Variants in CCDC12 observed in about 807,000 individuals in gnomAD.
The protein encoded by CCDC12 is coiled-coil domain containing 12, also known as coiled-coil domain-containing protein 12.
A neutral mutation model predicts 25.7 loss-of-function variants in CCDC12; 28 were observed. That is an observed-to-expected ratio of 1.09 (90% CI 0.81 to 1.50). CCDC12 has a LOEUF of 1.50. CCDC12 is among the 40% of genes most tolerant of loss of function. The pLI, the probability that CCDC12 is intolerant of heterozygous loss-of-function variation, is 0.00. For missense variants in CCDC12, 198 were observed against 210.0 expected, an observed-to-expected ratio of 0.94 and a Z score of 0.35; for synonymous variants, 75 against 87.7, an observed-to-expected ratio of 0.86 and a Z score of 0.81.
In CCDC12 at chr3:46,975,839, C is replaced by T. The variant is rs1291707793; in HGVS notation, c.96+798G>A. Among the ~76,000 whole-genome samples, 5 of 86,972 alleles carry T rather than the reference C, an allele frequency of 5.7e-5. No individual in the cohort carries two copies. The East Asian group carries it at 1.9e-3, about 33-fold the overall frequency. The allele number at this position is 86,972 out of a possible 152,430, so 57.1% of individuals were successfully genotyped here. On this transcript the variant is annotated intron_variant, in intron 1 of 6. Coordinates refer to ENST00000683445, the MANE Select transcript of CCDC12 (RefSeq NM_001277074.2). ...CGCGCCCGGCTAAATCTTTTATTTT[C>T]GATTTTTTTTTTTTTTTTTTTTTTG...
intron 1 of CCDC12, among the ~76,000 whole-genome samples, chr3:46,947,876 T>A (rs1477039545): frequency 6.6e-6 from 1 of 152,158 alleles, no homozygotes; most frequent in Non-Finnish European, 1.5e-5. Flanking sequence ...CTCAGTTTCC[T>A]CATCTACAAA....
At chr3:46,976,543 T>G (rs895491984) in intron 1 of CCDC12, 94 bp downstream of exon 1, 58 of 1,481,544 alleles carry the variant, frequency 3.9e-5, no homozygotes, top group Non-Finnish European at 5.1e-5. Flanking sequence ...CCTCGGCAGC[T>G]GTCTTTCCTT....
chr3:46,981,982 C>T (rs1484920163), exon 1 of CCDC12: 1 of 152,322 alleles, frequency 6.6e-6, no homozygotes, highest in Non-Finnish European at 1.5e-5. Flanking sequence ...CTTTGGAAGC[C>T]TGAGCAGACA....
rs547537137 is a variant in CCDC12, at chr3:46,941,064, T to C, written c.98A>G (p.Asp33Gly). Residue 33 changes from aspartate (D) to glycine (G), a missense_variant and splice_region_variant, in exon 2 of 7, where the codon GAC (aspartate) becomes GGC (glycine). Physicochemically the swap from Asp to Gly is moderately conservative, Grantham distance 94. Coordinates refer to ENST00000683445, the MANE Select transcript of CCDC12 (RefSeq NM_001277074.2). ...GGTCTTTGGCTCCCCATCTTCCTTG[T>C]CCTGCAAAGAAAGGGAGAAAACCAC... ...KALREKTGRK[D>G]KEDGEPKTKH... 3 of 1,614,148 alleles carry C rather than the reference T, an allele frequency of 1.9e-6. No homozygotes were observed. Among genetic ancestry groups the C allele is most frequent in the African/African-American group, 1.3e-5 (1 of 75,040 alleles).
chr3:46,971,155 G>A (rs563638839), intron 1 of CCDC12, among the ~76,000 whole-genome samples: 8 of 152,312 alleles, frequency 5.3e-5, no homozygotes, highest in Admixed American at 1.3e-4. Flanking sequence ...CAGCTACCTC[G>A]ATGACCTTCT....
intron 2 of CCDC12, among the ~76,000 whole-genome samples, chr3:46,927,019 T>C (rs2032990099): frequency 6.6e-6 from 1 of 152,304 alleles, no homozygotes; most frequent in South Asian, 2.1e-4. Context: ...TCAGATGCTA[T>C]TCACTCTCCT....
chr3:46,973,446 G>A (rs1425947753), intron 1 of CCDC12, among the ~76,000 whole-genome samples: 4 of 148,600 alleles, frequency 2.7e-5, no homozygotes, highest in African/African-American at 1.0e-4. Context: ...AGTGAGCTGA[G>A]ATTGCACCAT....
chr3:46,944,898 A>C (rs977761520), intron 1 of CCDC12, among the ~76,000 whole-genome samples: 1 of 152,032 alleles, frequency 6.6e-6, no homozygotes, highest in African/African-American at 2.4e-5. Flanking sequence ...TCTCGACCTC[A>C]CATCTGCTCT....
At chr3:46,923,572 A>G in intron 4 of CCDC12, 35 bp downstream of exon 4, 1 of 1,595,668 alleles carries the variant, frequency 6.3e-7, no homozygotes, top group East Asian at 2.3e-5. Context: ...GACACACAGA[A>G]GCAGCGAGGA....
At chr3:46,964,649 T>C (rs1334865188) in intron 1 of CCDC12, among the ~76,000 whole-genome samples, 2 of 152,190 alleles carry the variant, frequency 1.3e-5, no homozygotes, top group Non-Finnish European at 2.9e-5. Context: ...TCTATGACCT[T>C]ACCCCCAACC....
chr3:46,939,006 G>A (rs779114218), intron 2 of CCDC12, among the ~76,000 whole-genome samples: 3 of 152,168 alleles, frequency 2.0e-5, no homozygotes, highest in South Asian at 2.1e-4. Flanking sequence ...TGTATCACAC[G>A]CCTGCTTCTT....
Position 46,923,618 on chromosome 3 carries a change from T to C in CCDC12, c.295A>G (p.Ile99Val). Residue 99 changes from isoleucine (I) to valine (V), a missense_variant, in exon 4 of 7, where the codon ATC becomes GTC. Physicochemically the swap from Ile to Val is conservative, Grantham distance 29. Coordinates refer to ENST00000683445, the MANE Select transcript of CCDC12 (RefSeq NM_001277074.2). ...QLEAAKPEPV[I>V]EEVDLANLAP... ...GTCCAGGCACTCACCACCTCCTCGA[T>C]GACGGGCTCGGGCTTGGCGGCCTCC... is the stretch of plus-strand genomic sequence containing the variant. 1 of 1,599,138 alleles carries C rather than the reference T, an allele frequency of 6.3e-7. No homozygotes were observed.
At chr3:46,958,196 T>C (rs2034357532) in intron 1 of CCDC12, among the ~76,000 whole-genome samples, 1 of 152,070 alleles carries the variant, frequency 6.6e-6, no homozygotes, top group Non-Finnish European at 1.5e-5. Flanking sequence ...ACAAACAAGT[T>C]TATTGGGAGA....
chr3:46,978,385 A>G (rs1384470018), upstream of CCDC12, among the ~76,000 whole-genome samples: 1 of 152,152 alleles, frequency 6.6e-6, no homozygotes, highest in East Asian at 1.9e-4. Flanking sequence ...TGTCTTGGCC[A>G]ACCAAGGTCT....
At chr3:46,957,225 T>A (rs1253481157) in intron 1 of CCDC12, among the ~76,000 whole-genome samples, 1 of 152,110 alleles carries the variant, frequency 6.6e-6, no homozygotes, top group Admixed American at 6.6e-5. Context: ...CAGACTTCTC[T>A]CTAGGGAAGC....
At chr3:46,924,552 G>A (rs923149167) in intron 3 of CCDC12, among the ~76,000 whole-genome samples, 2 of 152,196 alleles carry the variant, frequency 1.3e-5, no homozygotes, top group African/African-American at 4.8e-5. Flanking sequence ...TTCAAAAAAA[G>A]TTGATAACAA....
At chr3:46,960,718 CGAAG>C (rs1364151037) in intron 1 of CCDC12, among the ~76,000 whole-genome samples, 1 of 152,124 alleles carries the variant, frequency 6.6e-6, no homozygotes, top group Non-Finnish European at 1.5e-5. Flanking sequence ...GGGAAAGCTC[CGAAG>C]GAAGGAAGAG....
At chr3:46,929,114 A>C (rs954194323) in intron 2 of CCDC12, among the ~76,000 whole-genome samples, 1 of 152,248 alleles carries the variant, frequency 6.6e-6, no homozygotes, top group African/African-American at 2.4e-5. Flanking sequence ...ATAGCCTTAA[A>C]GTGTTCTAAG....
chr3:46,923,375 G>A lies in CCDC12; in HGVS notation c.307-12C>T, dbSNP rs2032776427. ...AGGTTGGCCAGGTCCTGGGAAGGGA[G>A]GAGACACACATCAGGGTGGAGGGGC... On this transcript the variant is annotated splice_polypyrimidine_tract_variant and intron_variant, in intron 4 of 6. Transcript: ENST00000683445. 2.0e-6 allele frequency: 3 copies of A among 1,501,390 alleles called. No homozygotes were observed. In the Admixed American group the frequency reaches 6.5e-5, roughly 33 times the overall value. 93.0% of individuals were successfully genotyped at this position (1,501,390 alleles called of 1,614,324 possible). A position where few individuals can be genotyped will look rare whatever the true frequency, so the allele number is the denominator to read the frequency against.
Sources: gnomAD v4.1 joint callset for allele counts (sites outside exome capture counted in the v4.1 genomes callset) on GRCh38, gnomAD v4.1.1 for gene constraint, MANE v1.5 for transcripts, NCBI Gene and HGNC (gene_info 2026-07-23, HGNC 2026-07-21) for gene names.